Variants in TENM2 observed in about 807,000 individuals in gnomAD.
TENM2 encodes teneurin transmembrane protein 2.
TENM2 carries 52 observed loss-of-function variants against 245.2 expected under a neutral mutation model. That is an observed-to-expected ratio of 0.21 (90% CI 0.17 to 0.27). The LOEUF (loss-of-function observed/expected upper bound fraction) is 0.27. Ranked by LOEUF, TENM2 falls within the 10% of genes least tolerant of loss-of-function variation. The pLI is 1.00. For missense variants in TENM2, 3,046 were observed against 3,666.8 expected, an observed-to-expected ratio of 0.83 and a Z score of 4.37; for synonymous variants, 1,363 against 1,438.9, an observed-to-expected ratio of 0.95 and a Z score of 1.19.
At chr5:167,209,584 A>T in the TENM2 span, among the ~76,000 whole-genome samples, 3 of 152,142 alleles carry the variant, frequency 2.0e-5, no homozygotes, top group Non-Finnish European at 4.4e-5. Flanking sequence ...TCCTCAACTT[A>T]TATTGACTGC....
At chr5:168,232,846 G>A (rs899534874) in intron 25 of TENM2, among the ~76,000 whole-genome samples, 6 of 152,160 alleles carry the variant, frequency 3.9e-5, no homozygotes, top group Non-Finnish European at 5.9e-5. Flanking sequence ...TGGATAGACC[G>A]GGACCACATC....
rs1554187401 is a variant in TENM2, at chr5:168,057,329, A to ACACACACACT, written c.1310-4728_1310-4727insACACACTCAC. On this transcript the variant is annotated intron_variant, in intron 6 of 28. Transcript: ENST00000518659. ...TCGCCCAACACACACACACACACAC[A>ACACACACACT]CACTCACTCACACTCACACTTCTTC... Among the ~76,000 whole-genome samples the ACACACACACT allele has an allele frequency of 6.6e-5, 10 of 151,592 alleles. No homozygotes were observed. The South Asian group carries it at 2.1e-3, about 32-fold the overall frequency.
At chr5:167,327,752 A>C (rs189369835) in intron 1 of TENM2, among the ~76,000 whole-genome samples, 41 of 152,322 alleles carry the variant, frequency 2.7e-4, no homozygotes, top group Admixed American at 1.0e-3. Flanking sequence ...TGTGTCATAA[A>C]GACAGAGACA....
intron 27 of TENM2, among the ~76,000 whole-genome samples, chr5:168,250,748 C>G (rs1254291883): frequency 2.0e-5 from 3 of 152,168 alleles, no homozygotes; most frequent in African/African-American, 7.2e-5. Flanking sequence ...CTGTCCTCCT[C>G]CCCCGTGCCT....
chr5:167,041,859 C>G, the TENM2 span, among the ~76,000 whole-genome samples: 40,320 of 152,044 alleles, frequency 0.27, 10,884 homozygotes, highest in African/African-American at 0.69. Context: ...CTCTTTGTCA[C>G]CCAGAAGGTA....
intron 2 of TENM2, among the ~76,000 whole-genome samples, chr5:167,450,966 C>T (rs907802103): frequency 6.6e-6 from 1 of 152,116 alleles, no homozygotes; most frequent in African/African-American, 2.4e-5. Context: ...CAAGACTGTA[C>T]AGTCTCTTAT....
At chr5:167,753,016 A>G (rs1762060627) in intron 2 of TENM2, among the ~76,000 whole-genome samples, 1 of 152,178 alleles carries the variant, frequency 6.6e-6, no homozygotes, top group South Asian at 2.1e-4. Context: ...TTGAACGAGA[A>G]TTTTGACTGT....
At chr5:167,762,587 A>T (rs1176674199) in intron 2 of TENM2, among the ~76,000 whole-genome samples, 1 of 152,164 alleles carries the variant, frequency 6.6e-6, no homozygotes, top group African/African-American at 2.4e-5. Context: ...AATTTTAGAT[A>T]TTCTCCTGGT....
rs1770581873 is a variant in TENM2, at chr5:167,518,999, G to A, written c.502+143526G>A. Among the ~76,000 whole-genome samples the A allele has an allele frequency of 2.6e-5, 4 of 152,116 alleles. 1 individual carries two copies. In the South Asian group the frequency reaches 8.3e-4, roughly 32 times the overall value. On this transcript the variant is annotated intron_variant, in intron 2 of 28. Coordinates refer to ENST00000518659, the Ensembl canonical transcript of TENM2. ...CTTCTTGTAAGTTTTATGCAGCGATGTTCCTGTAGAGAGAGCATGAAGAGA... is the reference window on the plus strand; with the variant it reads ...CTTCTTGTAAGTTTTATGCAGCGATATTCCTGTAGAGAGAGCATGAAGAGA...
chr5:166,989,671 C>T, the TENM2 span, among the ~76,000 whole-genome samples: 2,672 of 151,568 alleles, frequency 0.018, 82 homozygotes, highest in African/African-American at 0.062. Context: ...GGATTACAGA[C>T]GTGAGCCACT....
At chr5:167,686,947 G>T (rs1179936862) in intron 2 of TENM2, among the ~76,000 whole-genome samples, 2 of 152,152 alleles carry the variant, frequency 1.3e-5, no homozygotes, top group Non-Finnish European at 2.9e-5. Context: ...GAGGAGCATC[G>T]TCCAAAACAG....
chr5:167,024,131 T>A, the TENM2 span, among the ~76,000 whole-genome samples: 1 of 152,288 alleles, frequency 6.6e-6, no homozygotes, highest in East Asian at 1.9e-4. Flanking sequence ...TGACAAGCAA[T>A]CAGGTTAGCT....
At chr5:167,197,398 A>G in the TENM2 span, among the ~76,000 whole-genome samples, 2 of 152,048 alleles carry the variant, frequency 1.3e-5, no homozygotes, top group Non-Finnish European at 2.9e-5. Flanking sequence ...GCACAGTAAT[A>G]TTTGCTCTAT....
chr5:167,070,613 T>A, the TENM2 span, among the ~76,000 whole-genome samples: 1 of 151,982 alleles, frequency 6.6e-6, no homozygotes, highest in East Asian at 1.9e-4. Flanking sequence ...ACCCTTTGGG[T>A]TAGATATTAT....
At chr5:167,290,070 C>T (rs1298246432) in intron 1 of TENM2, among the ~76,000 whole-genome samples, 1 of 152,212 alleles carries the variant, frequency 6.6e-6, no homozygotes, top group African/African-American at 2.4e-5. Context: ...AAGAATAACA[C>T]AATGCCTTCT....
At chr5:168,185,520 G>T (rs1350738771) in intron 13 of TENM2, among the ~76,000 whole-genome samples, 2 of 152,106 alleles carry the variant, frequency 1.3e-5, no homozygotes, top group African/African-American at 4.8e-5. Context: ...GCACAGAGCA[G>T]TTAATTGCCC....
intron 2 of TENM2, among the ~76,000 whole-genome samples, chr5:167,583,251 GCA>G (rs1390485114): frequency 1.3e-5 from 2 of 152,090 alleles, no homozygotes; most frequent in African/African-American, 4.8e-5. Flanking sequence ...AATATGCCTT[GCA>G]CACATTAATA....
chr5:167,328,375 T>A (rs1367243259), intron 1 of TENM2, among the ~76,000 whole-genome samples: 1 of 151,860 alleles, frequency 6.6e-6, no homozygotes, highest in Non-Finnish European at 1.5e-5. Context: ...CCCAGCTAAT[T>A]TTTTTGTATT....
chr5:167,184,308 G>T, the TENM2 span, among the ~76,000 whole-genome samples: 1 of 152,188 alleles, frequency 6.6e-6, no homozygotes, highest in Non-Finnish European at 1.5e-5. Flanking sequence ...CAACGGAGCT[G>T]TGCATTTTTC....
Sources: gnomAD v4.1 joint callset for allele counts (sites outside exome capture counted in the v4.1 genomes callset) on GRCh38, gnomAD v4.1.1 for gene constraint, MANE v1.5 for transcripts, NCBI Gene and HGNC (gene_info 2026-07-23, HGNC 2026-07-21) for gene names.